PCDHA5: variants seen among roughly 807,000 people sequenced by gnomAD.
The protein encoded by PCDHA5 is protocadherin alpha 5.
In PCDHA5, 43 loss-of-function variants were observed where a neutral mutation model predicts 61.6. That is an observed-to-expected ratio of 0.70 (90% CI 0.55 to 0.90). The LOEUF (loss-of-function observed/expected upper bound fraction) is 0.90. Ranked by LOEUF, PCDHA5 falls within the 40% of genes least tolerant of loss-of-function variation. The pLI is 0.00. For synonymous variants in PCDHA5, 627 were observed against 543.9 expected (o/e 1.15, Z -2.13); for missense variants, 1,298 against 1,222.7 (o/e 1.06, Z -0.92).
At chr5:140,841,324 G>A in intron 1 of PCDHA5, 1 of 1,601,518 alleles carries the variant, frequency 6.2e-7, no homozygotes. Flanking sequence ...TATTTAACAT[G>A]GATTATCACT....
At position 140,822,990 on chromosome 5, in the gene PCDHA5, G is replaced by A. The variant is rs1224032407; in HGVS notation, c.1215G>A (p.Ser405=). ...KLVSTFKNYY[S]LVLDSALDRE... Reference sequence around the variant, plus strand: ...TGTCCACCTTCAAGAATTACTACTCGTTGGTGCTGGACAGCGCCCTGGACC... The same window carrying A: ...TGTCCACCTTCAAGAATTACTACTCATTGGTGCTGGACAGCGCCCTGGACC... Residue 405 remains serine, a synonymous_variant, in exon 1 of 4, where the codon TCG becomes TCA. Coordinates refer to ENST00000529859, the MANE Select transcript of PCDHA5 (RefSeq NM_018908.3). The A allele has an allele frequency of 5.0e-6, 8 of 1,614,066 alleles. No homozygotes were observed. The highest frequency in any genetic ancestry group is 1.7e-5 in the Admixed American group (1 of 60,016).
chr5:140,881,179 C>A (rs550594918), intron 1 of PCDHA5, among the ~76,000 whole-genome samples: 4 of 152,240 alleles, frequency 2.6e-5, no homozygotes, highest in African/African-American at 7.2e-5. Flanking sequence ...CTTTTCCTTG[C>A]TAAAGATATG....
intron 1 of PCDHA5, among the ~76,000 whole-genome samples, chr5:140,898,316 G>T (rs1487888782): frequency 6.6e-6 from 1 of 152,168 alleles, no homozygotes; most frequent in Non-Finnish European, 1.5e-5. Flanking sequence ...GGTTTTTATG[G>T]TTTTGGGTCT....
intron 1 of PCDHA5, among the ~76,000 whole-genome samples, chr5:140,976,851 T>C (rs1402328541): frequency 6.6e-6 from 1 of 152,206 alleles, no homozygotes; most frequent in African/African-American, 2.4e-5. Context: ...ATCCCTTTCA[T>C]AGAGTTTACT....
intron 2 of PCDHA5, among the ~76,000 whole-genome samples, chr5:140,979,795 A>G (rs781835728): frequency 6.6e-6 from 1 of 152,264 alleles, no homozygotes. Flanking sequence ...GAAACAAATG[A>G]TCACAACTAT....
intron 1 of PCDHA5, chr5:140,866,356 A>G (rs1554160259): frequency 6.6e-6 from 1 of 152,172 alleles, no homozygotes; most frequent in African/African-American, 2.4e-5. Flanking sequence ...AAATGTTTAC[A>G]ATATTGCATA....
chr5:140,982,224 A>T, intron 2 of PCDHA5: 1 of 587,320 alleles, frequency 1.7e-6, no homozygotes, highest in South Asian at 3.8e-5. Context: ...TGGCGTTAAT[A>T]AAAAACAGAA....
intron 1 of PCDHA5, chr5:140,859,449 A>T (rs1319113076): frequency 4.5e-6 from 1 of 222,150 alleles, no homozygotes; most frequent in Non-Finnish European, 8.6e-6. Context: ...TTAGTTGCAG[A>T]GTGACAAAAC....
At chr5:140,841,345 G>A in intron 1 of PCDHA5, 2 of 1,612,666 alleles carry the variant, frequency 1.2e-6, no homozygotes, top group East Asian at 2.2e-5. Flanking sequence ...GGCGAGGAGA[G>A]CTGGGATCCT....
At chr5:140,963,244 T>G (rs934081934) in intron 1 of PCDHA5, among the ~76,000 whole-genome samples, 6 of 152,104 alleles carry the variant, frequency 3.9e-5, no homozygotes, top group Admixed American at 3.3e-4. Flanking sequence ...ATGGATTAGG[T>G]AGGTTTTCAT....
At chr5:140,975,084 T>C (rs1353727401) in intron 1 of PCDHA5, among the ~76,000 whole-genome samples, 1 of 152,140 alleles carries the variant, frequency 6.6e-6, no homozygotes, top group African/African-American at 2.4e-5. Context: ...GTTGGCAGAA[T>C]CCAGTTGTTT....
chr5:140,842,564 C>A (rs781893579), intron 1 of PCDHA5: 1 of 1,500,320 alleles, frequency 6.7e-7, no homozygotes, highest in South Asian at 1.2e-5. Flanking sequence ...CGCCCTGGAC[C>A]GCGAGAGAGT....
At chr5:140,984,533 T>C (rs1477702565) in intron 3 of PCDHA5, among the ~76,000 whole-genome samples, 1 of 152,216 alleles carries the variant, frequency 6.6e-6, no homozygotes, top group African/African-American at 2.4e-5. Context: ...CTTCATGGAC[T>C]GTGCTGGATA....
chr5:140,845,778 A>G (rs190937688), intron 1 of PCDHA5, among the ~76,000 whole-genome samples: 1 of 149,842 alleles, frequency 6.7e-6, no homozygotes, highest in East Asian at 1.9e-4. Context: ...GTTATAAATT[A>G]TTAATAATAA....
chr5:140,849,154 C>G, intron 1 of PCDHA5: 1 of 1,231,386 alleles, frequency 8.1e-7, no homozygotes, highest in Non-Finnish European at 1.1e-6. Context: ...GGAGGCAAAC[C>G]CGAGCTGACT....
Position 140,821,797 on chromosome 5 carries a change from A to G in PCDHA5, c.22A>G (p.Ser8Gly). The part of the protein sequence containing the change: MVYSRRG[S>G]LGSRLLLLWL... ...TGAGATGGTATATTCCCGGAGAGGA[A>G]GTCTGGGATCCCGGCTCCTGCTGCT... Residue 8 changes from serine (S) to glycine (G), a missense_variant, in exon 1 of 4, where the codon AGT (serine) becomes GGT (glycine). Ser to Gly is a moderately conservative substitution (Grantham distance 56). Coordinates refer to ENST00000529859, the MANE Select transcript of PCDHA5 (RefSeq NM_018908.3). 1 of 1,613,014 alleles carries G rather than the reference A, an allele frequency of 6.2e-7. No homozygotes were observed. The highest frequency in any genetic ancestry group is 8.5e-7 in the Non-Finnish European group (1 of 1,179,408).
intron 1 of PCDHA5, among the ~76,000 whole-genome samples, chr5:140,965,905 G>A (rs76116187): frequency 0.016 from 2,504 of 152,338 alleles, 69 homozygotes; most frequent in African/African-American, 0.056. Context: ...TGGATCCCAG[G>A]ATGCTGGTTT....
chr5:140,983,378 G>A (rs782292944), intron 3 of PCDHA5, among the ~76,000 whole-genome samples: 1 of 152,162 alleles, frequency 6.6e-6, no homozygotes, highest in Non-Finnish European at 1.5e-5. Flanking sequence ...GAGGCCCATC[G>A]CTGTGGCAGT....
chr5:140,870,987 C>A, intron 1 of PCDHA5: 1 of 1,613,452 alleles, frequency 6.2e-7, no homozygotes, highest in Non-Finnish European at 8.5e-7. Flanking sequence ...TGTACACGGG[C>A]GAGATAAGCA....
Sources: allele counts gnomAD v4.1 joint callset (sites outside exome capture counted in the v4.1 genomes callset), GRCh38; gene constraint gnomAD v4.1.1; transcripts MANE v1.5; gene names NCBI Gene and HGNC (gene_info 2026-07-23, HGNC 2026-07-21).